The following ARAP1 variants were observed in gnomAD, a reference collection of about 807,000 sequenced individuals.
ARAP1 encodes ArfGAP with RhoGAP domain, ankyrin repeat and PH domain 1.
In ARAP1, 76 loss-of-function variants were observed where a neutral mutation model predicts 172.2. The observed-to-expected ratio is 0.44, with a 90% CI of 0.37 to 0.53. ARAP1 has a LOEUF of 0.53. Among genes scored for constraint, ARAP1 ranks in the 20% least tolerant of loss-of-function variants. The probability of loss-of-function intolerance (pLI) is 0.00; values close to 1 mark genes in which losing one functional copy is unlikely to be tolerated. For missense variants in ARAP1, 1,686 were observed against 1,977.5 expected, an observed-to-expected ratio of 0.85 and a Z score of 2.80; for synonymous variants, 804 against 803.3, an observed-to-expected ratio of 1.00 and a Z score of -0.01.
chr11:72,704,154 T>C lies in ARAP1; in HGVS notation c.1990A>G (p.Lys664Glu). 1 of 1,614,078 alleles carries C rather than the reference T, an allele frequency of 6.2e-7. No individual in the cohort carries two copies. The highest frequency in any genetic ancestry group is 8.5e-7 in the Non-Finnish European group (1 of 1,179,996). Reference sequence around the variant, plus strand: ...CCCCAGAGCTGCAGTGCCCTGACCTTGTCCAGCTCCTCCTGGTTGCCAAAG... The same window carrying C: ...CCCCAGAGCTGCAGTGCCCTGACCTCGTCCAGCTCCTCCTGGTTGCCAAAG... ...PLFGNQEELD[K>E]ALCAAVTTTD... Residue 664 changes from lysine to glutamate, a missense_variant and splice_region_variant, in exon 14 of 35, where the codon AAG becomes GAG. Physicochemically the swap from Lys to Glu is moderately conservative, Grantham distance 56. Transcript: ENST00000393609.
intron 4 of ARAP1, 130 bp downstream of exon 4, chr11:72,714,022 G>A (rs924184239): frequency 3.9e-5 from 41 of 1,055,546 alleles, no homozygotes; most frequent in East Asian, 9.5e-5. Context: ...TGACCTGCCC[G>A]GGGCCACACA....
chr11:72,695,483 G>A lies in ARAP1; in HGVS notation c.3508-28C>T, dbSNP rs748893567. On this transcript the variant is annotated intron_variant, in intron 25 of 34. Coordinates refer to ENST00000393609, the MANE Select transcript of ARAP1 (RefSeq NM_001040118.3). This position sits in a 1 kb window ranked among gnomAD's most constrained non-coding sequence, Gnocchi z 4.4. ...GCAGGGAGACAGGGCTCAGCTGGGG[G>A]CCTAGGAAATGGGTGCAGGTGGCAG... 1.1e-5 allele frequency: 18 copies of A among 1,614,202 alleles called. No homozygotes were observed. In the South Asian group the frequency reaches 1.8e-4, roughly 16 times the overall value.
At chr11:72,721,834 G>A (rs1450327761) in intron 3 of ARAP1, 2 of 985,584 alleles carry the variant, frequency 2.0e-6, no homozygotes, top group African/African-American at 3.5e-5. Context: ...AACAGCAACG[G>A]CGGCACCTCG....
At chr11:72,735,105 C>A (rs1457313635) in intron 1 of ARAP1, among the ~76,000 whole-genome samples, 1 of 152,044 alleles carries the variant, frequency 6.6e-6, no homozygotes, top group Non-Finnish European at 1.5e-5. Flanking sequence ...GTCAGCCTCC[C>A]AAGTACCTGG....
intron 27 of ARAP1, 89 bp downstream of exon 27, chr11:72,694,891 T>G: frequency 8.9e-7 from 1 of 1,121,234 alleles, no homozygotes; most frequent in Non-Finnish European, 1.3e-6. Context: ...CCACCCATCC[T>G]CATGTGCAGG....
chr11:72,700,857 G>A (rs930324858), intron 16 of ARAP1, among the ~76,000 whole-genome samples: 8 of 152,208 alleles, frequency 5.3e-5, no homozygotes, highest in Admixed American at 1.3e-4. Flanking sequence ...AATTAGCCAG[G>A]CATGATGGCG....
In ARAP1 at chr11:72,693,741, G is replaced by A. The variant is rs371721771; in HGVS notation, c.3759C>T (p.His1253=). The change falls in exon 28 of 35, where the codon CAC becomes CAT. Residue 1253 remains histidine, a synonymous_variant. Coordinates refer to ENST00000393609, the MANE Select transcript of ARAP1 (RefSeq NM_001040118.3). The surrounding 1 kb of genome is among the most constrained non-coding windows in gnomAD (Gnocchi z 4.6). The stretch of plus-strand genomic sequence containing the variant: ...TGGCCTGGTGCTTCTTCACCACCAG[G>A]TGGCTGTCCGTGCCCAGCCCGTGCA... The part of the protein sequence containing the change: ...PILHGLGTDS[H]LVVKKHQAME... 1 of 1,610,938 alleles carries A rather than the reference G, an allele frequency of 6.2e-7. No homozygotes were observed. The highest frequency in any genetic ancestry group is 8.5e-7 in the Non-Finnish European group (1 of 1,178,606).
At chr11:72,709,718 GC>G (rs1372682439) in intron 11 of ARAP1, 151 bp downstream of exon 11, 2 of 764,260 alleles carry the variant, frequency 2.6e-6, no homozygotes, top group African/African-American at 3.4e-5. Flanking sequence ...GAGAGGGTTA[GC>G]AAGTGACGGG....
chr11:72,744,081 T>G (rs930241425), intron 1 of ARAP1, among the ~76,000 whole-genome samples: 1 of 152,098 alleles, frequency 6.6e-6, no homozygotes, highest in Admixed American at 6.6e-5. Context: ...CAAGCTCAAG[T>G]GCCACCTGCT....
At chr11:72,722,926 C>T (rs1379224037) in intron 3 of ARAP1, among the ~76,000 whole-genome samples, 1 of 152,106 alleles carries the variant, frequency 6.6e-6, no homozygotes, top group African/African-American at 2.4e-5. Flanking sequence ...GTCTGGGCAC[C>T]GGCTTCCCTT....
At chr11:72,751,325 C>T (rs1328472781) in intron 1 of ARAP1, among the ~76,000 whole-genome samples, 5 of 152,176 alleles carry the variant, frequency 3.3e-5, no homozygotes, top group Admixed American at 2.0e-4. Flanking sequence ...GCACAAGCTA[C>T]GCCCTCGCCT....
chr11:72,700,171 C>G (rs1462045527), intron 16 of ARAP1: 1 of 155,992 alleles, frequency 6.4e-6, no homozygotes, highest in Non-Finnish European at 1.4e-5. Context: ...CAGGCTTGTA[C>G]CGTTCACAGC....
At chr11:72,713,271 A>G in intron 4 of ARAP1, 28 bp from the exon 5 acceptor site, 1 of 1,608,800 alleles carries the variant, frequency 6.2e-7, no homozygotes, top group Non-Finnish European at 8.5e-7. Flanking sequence ...GGGGGGCCTC[A>G]GGGCAAGGGG....
intron 16 of ARAP1, among the ~76,000 whole-genome samples, chr11:72,700,766 G>A (rs1208410876): frequency 2.0e-5 from 3 of 152,246 alleles, no homozygotes; most frequent in African/African-American, 7.2e-5. Flanking sequence ...TACTTTGGGA[G>A]GCCAAGGCGG....
At chr11:72,694,095 A>C (rs1591175826) in intron 27 of ARAP1, among the ~76,000 whole-genome samples, 2 of 86,802 alleles carry the variant, frequency 2.3e-5, no homozygotes, top group Admixed American at 1.4e-4. Flanking sequence ...GGGAAACACC[A>C]CCACCACCCG....
rs928470056 is a variant in ARAP1 at position 72,741,839 on chromosome 11, A to G, written c.-127-9242T>C. On this transcript the variant is annotated intron_variant, in intron 1 of 34. Transcript: ENST00000393609. The surrounding 1 kb of genome is among the most constrained non-coding windows in gnomAD (Gnocchi z 4.5). The stretch of plus-strand genomic sequence containing the variant: ...AGAGGGAAGGGGAGGCCGCCAACTG[A>G]CTCCTCTGTGAGCTCACTGGAAACC... 5.3e-5 allele frequency among the ~76,000 whole-genome samples: 8 copies of G among 151,516 alleles called. No individual in the cohort carries two copies. Among genetic ancestry groups the G allele is most frequent in the African/African-American group, 1.7e-4 (7 of 41,174 alleles).
Position 72,699,611 on chromosome 11 carries a change from T to A in ARAP1, c.2303-59A>T. ...AGCCCCCCACCACCTGAAAACCACC[T>A]CTGCATCCTCCCGGGGCTCCTGCTC... On this transcript the variant is annotated intron_variant, in intron 16 of 34. Coordinates refer to ENST00000393609, the MANE Select transcript of ARAP1 (RefSeq NM_001040118.3). This position sits in a 1 kb window ranked among gnomAD's most constrained non-coding sequence, Gnocchi z 4.2. The A allele has an allele frequency of 1.9e-6, 3 of 1,567,394 alleles. No individual in the cohort carries two copies. The highest frequency in any genetic ancestry group is 8.6e-7 in the Non-Finnish European group (1 of 1,156,944).
chr11:72,704,555 G>A (rs1021827870), intron 13 of ARAP1: 8 of 540,050 alleles, frequency 1.5e-5, no homozygotes, highest in Non-Finnish European at 1.9e-5. Flanking sequence ...TCAGTGACAG[G>A]ACAGGGAGTC....
At position 72,701,795 on chromosome 11, in the gene ARAP1, G is replaced by GGGAAA; in HGVS notation, c.2168-17_2168-13dup. 4 of 1,612,376 alleles carry GGGAAA rather than the reference G, an allele frequency of 2.5e-6. No individual in the cohort carries two copies. The highest frequency in any genetic ancestry group is 3.4e-6 in the Non-Finnish European group (4 of 1,178,948). ...CAGCCGAGGCACCTCTTTGTAGGCG[G>GGGAAA]GGAAAGGATGGCAGGTCATGCTGGC... On this transcript the variant is annotated splice_polypyrimidine_tract_variant and intron_variant, in intron 15 of 34. Coordinates refer to ENST00000393609, the MANE Select transcript of ARAP1 (RefSeq NM_001040118.3).
Sources: allele counts gnomAD v4.1 joint callset (sites outside exome capture counted in the v4.1 genomes callset), GRCh38; gene constraint gnomAD v4.1.1; non-coding constraint Gnocchi (gnomAD v3.1); transcripts MANE v1.5; gene names NCBI Gene and HGNC (gene_info 2026-07-23, HGNC 2026-07-21).